The following MUSK variants were observed in gnomAD, a reference collection of about 807,000 sequenced individuals.
MUSK encodes muscle, skeletal receptor tyrosine-protein kinase.
In MUSK, 55 loss-of-function variants were observed where a neutral mutation model predicts 88.7. The observed-to-expected ratio is 0.62, with a 90% CI of 0.50 to 0.78. The LOEUF (loss-of-function observed/expected upper bound fraction) is 0.78, where lower values mean the gene tolerates loss of function less well. Among genes scored for constraint, MUSK ranks in the 30% least tolerant of loss-of-function variants. The pLI is 0.00. For synonymous variants in MUSK, 387 were observed against 391.9 expected, an observed-to-expected ratio of 0.99 and a Z score of 0.15; for missense variants, 1,015 against 1,074.3, an observed-to-expected ratio of 0.94 and a Z score of 0.77.
rs192164392 is a variant in MUSK at position 110,754,679 on chromosome 9, T to C, written c.913+6879T>C. 3.3e-3 allele frequency among the ~76,000 whole-genome samples: 509 copies of C among 152,356 alleles called. 4 individuals are homozygous for C. The highest frequency in any genetic ancestry group is 0.011 in the African/African-American group (459 of 41,594). ...TCAATAGATCTTCCTGCTCAGCTGC[T>C]ATTAGAATCTGCCTTTGTATTTCCA... On this transcript the variant is annotated intron_variant, in intron 7 of 14. Coordinates refer to ENST00000374448, the MANE Select transcript of MUSK (RefSeq NM_005592.4).
At chr9:110,778,788 C>T (rs980919965) in intron 11 of MUSK, among the ~76,000 whole-genome samples, 3 of 152,008 alleles carry the variant, frequency 2.0e-5, no homozygotes, top group African/African-American at 7.2e-5. Flanking sequence ...AATTCCAAGA[C>T]CTCATGTGTA....
chr9:110,744,225 C>A (rs1316993416), intron 6 of MUSK, among the ~76,000 whole-genome samples: 1 of 152,180 alleles, frequency 6.6e-6, no homozygotes, highest in African/African-American at 2.4e-5. Flanking sequence ...CCTTGGTCTT[C>A]CAAAGCGCTG....
Position 110,695,448 on chromosome 9 carries a change from G to T in MUSK, c.404G>T (p.Gly135Val). 1 of 1,544,390 alleles carries T rather than the reference G, an allele frequency of 6.5e-7. No homozygotes were observed. The highest frequency in any genetic ancestry group is 2.3e-5 in the East Asian group (1 of 42,594). ...RPPINVKIIE[G>V]LKAVLPCTTM... ...CCCATAAATGTGAAAATAATAGAGG[G>T]ATTAAAAGCAGTCCTACCATGTACT... The change falls in exon 4 of 15, where the codon GGA becomes GTA. Residue 135 changes from glycine (G) to valine (V), a missense_variant. By Grantham distance (109) the Gly-to-Val change is moderately radical. Coordinates refer to ENST00000374448, the MANE Select transcript of MUSK (RefSeq NM_005592.4).
intron 1 of MUSK, among the ~76,000 whole-genome samples, chr9:110,681,024 A>AT (rs2076106083): frequency 5.1e-5 from 1 of 19,596 alleles, no homozygotes; most frequent in Admixed American, 5.1e-4. Context: ...AATATATATT[A>AT]TATATTATAT....
chr9:110,708,248 G>GC (rs1226303590), intron 5 of MUSK, among the ~76,000 whole-genome samples: 1 of 152,054 alleles, frequency 6.6e-6, no homozygotes, highest in Non-Finnish European at 1.5e-5. Context: ...TTTACTTGTT[G>GC]CATCTACAAA....
chr9:110,695,878 T>G lies in MUSK; in HGVS notation c.486+348T>G, dbSNP rs534556116. 1.5e-4 allele frequency among the ~76,000 whole-genome samples: 23 copies of G among 152,106 alleles called. No homozygotes were observed. In the South Asian group the frequency reaches 2.7e-3, roughly 18 times the overall value. ...GAAAAAGAAAAACTAAAACCCAGGC[T>G]TTAGAACTGACAGTTTCTGGAAGGA... On this transcript the variant is annotated intron_variant, in intron 4 of 14. Coordinates refer to ENST00000374448, the MANE Select transcript of MUSK (RefSeq NM_005592.4).
At chr9:110,678,689 T>C (rs2076062853) in intron 1 of MUSK, among the ~76,000 whole-genome samples, 1 of 152,152 alleles carries the variant, frequency 6.6e-6, no homozygotes, top group Admixed American at 6.6e-5. Context: ...CTCTGTTGAA[T>C]TGTGGTCCAA....
chr9:110,691,774 T>A (rs1156540075), intron 3 of MUSK, among the ~76,000 whole-genome samples: 1 of 152,170 alleles, frequency 6.6e-6, no homozygotes, highest in African/African-American at 2.4e-5. Context: ...TTATTTCTTA[T>A]CTTTTGTTAT....
chr9:110,701,901 T>G (rs1244999315), intron 5 of MUSK, among the ~76,000 whole-genome samples: 1 of 125,142 alleles, frequency 8.0e-6, no homozygotes, highest in Non-Finnish European at 1.6e-5. Flanking sequence ...TTTATTTTAT[T>G]TTATTTTATT....
chr9:110,718,003 T>C (rs1038248841), intron 5 of MUSK, among the ~76,000 whole-genome samples: 7 of 152,156 alleles, frequency 4.6e-5, no homozygotes, highest in African/African-American at 1.7e-4. Flanking sequence ...CAGAGTGACT[T>C]TCCCAGGCCA....
At chr9:110,789,598 G>C (rs1278955171) in intron 14 of MUSK, among the ~76,000 whole-genome samples, 2 of 152,174 alleles carry the variant, frequency 1.3e-5, no homozygotes, top group East Asian at 3.8e-4. Context: ...GGCCAACATG[G>C]TGAAACCCCA....
At chr9:110,744,778 T>C (rs916064478) in intron 6 of MUSK, among the ~76,000 whole-genome samples, 6 of 152,120 alleles carry the variant, frequency 3.9e-5, no homozygotes, top group African/African-American at 1.4e-4. Context: ...CTCAGGTCCA[T>C]ATACCTGAGT....
At chr9:110,748,244 T>C (rs939464809) in intron 7 of MUSK, among the ~76,000 whole-genome samples, 1 of 151,722 alleles carries the variant, frequency 6.6e-6, no homozygotes, top group African/African-American at 2.4e-5. Context: ...TAATTTCCTT[T>C]CCTTTTCCCC....
At chr9:110,676,360 A>ATTATATATTATATATTATAT in intron 1 of MUSK, among the ~76,000 whole-genome samples, 1 of 147,502 alleles carries the variant, frequency 6.8e-6, no homozygotes, top group East Asian at 2.0e-4. Flanking sequence ...TATATATTAT[A>ATTATATATTATATATTATAT]TATTATATAT....
At chr9:110,735,658 C>T (rs565621766) in intron 6 of MUSK, among the ~76,000 whole-genome samples, 16 of 151,942 alleles carry the variant, frequency 1.1e-4, no homozygotes, top group Admixed American at 7.9e-4. Context: ...TCTCGCATCG[C>T]GATAAAGAAA....
rs1349236863 is a variant in MUSK, at chr9:110,800,730, T to A, written c.2352T>A (p.Asp784Glu). The change falls in exon 15 of 15, where the codon GAT becomes GAA. Residue 784 changes from aspartate to glutamate, a missense_variant. Physicochemically the swap from Asp to Glu is conservative, Grantham distance 45 (BLOSUM62 2). Transcript: ENST00000374448. The part of the protein sequence containing the change: ...IFYNRYTTES[D>E]VWAYGVVLWE... ...ATAACCGCTACACTACAGAGTCTGATGTGTGGGCCTATGGCGTGGTCCTCT... is the reference window on the plus strand; with the variant it reads ...ATAACCGCTACACTACAGAGTCTGAAGTGTGGGCCTATGGCGTGGTCCTCT... The A allele has an allele frequency of 1.2e-6, 2 of 1,613,886 alleles. No individual in the cohort carries two copies. The highest frequency in any genetic ancestry group is 2.7e-5 in the African/African-American group (2 of 74,916).
intron 4 of MUSK, among the ~76,000 whole-genome samples, chr9:110,697,078 C>T (rs953505930): frequency 2.7e-5 from 4 of 148,200 alleles, no homozygotes; most frequent in Admixed American, 2.0e-4. Flanking sequence ...TATATATATA[C>T]ACACACTCAT....
chr9:110,710,767 C>T (rs141933846), intron 5 of MUSK, among the ~76,000 whole-genome samples: 11 of 152,004 alleles, frequency 7.2e-5, no homozygotes, highest in Non-Finnish European at 1.5e-4. Flanking sequence ...AAAGTGAAGG[C>T]GGCCTTCGTG....
chr9:110,716,129 A>C (rs1375099803), intron 5 of MUSK, among the ~76,000 whole-genome samples: 2 of 149,868 alleles, frequency 1.3e-5, no homozygotes, highest in Non-Finnish European at 1.5e-5. Context: ...CTGAACTTAA[A>C]ATAGAAGTTG....
Sources: gnomAD v4.1 joint callset for allele counts (sites outside exome capture counted in the v4.1 genomes callset) on GRCh38, gnomAD v4.1.1 for gene constraint, MANE v1.5 for transcripts, NCBI Gene and HGNC (gene_info 2026-07-23, HGNC 2026-07-21) for gene names.